SCD5: variants seen among roughly 807,000 people sequenced by gnomAD.
The protein encoded by SCD5 is stearoyl-CoA desaturase 5.
A neutral mutation model predicts 30.4 loss-of-function variants in SCD5; 20 were observed. The observed-to-expected ratio is 0.66, with a 90% CI of 0.46 to 0.96. The LOEUF (loss-of-function observed/expected upper bound fraction) is 0.96. Ranked by LOEUF, SCD5 falls within the 40% of genes least tolerant of loss-of-function variation. SCD5 has a pLI of 0.00. For synonymous variants in SCD5, 173 were observed against 176.4 expected, an observed-to-expected ratio of 0.98 and a Z score of 0.16; for missense variants, 381 against 443.3, an observed-to-expected ratio of 0.86 and a Z score of 1.26.
chr4:82,795,580 A>C (rs1221607295), intron 1 of SCD5, among the ~76,000 whole-genome samples: 1 of 152,098 alleles, frequency 6.6e-6, no homozygotes, highest in Non-Finnish European at 1.5e-5. Context: ...CTGTAATCCC[A>C]GTACTTTGGG....
At chr4:82,708,871 G>A (rs992543413) in intron 1 of SCD5, among the ~76,000 whole-genome samples, 4 of 152,008 alleles carry the variant, frequency 2.6e-5, no homozygotes, top group Admixed American at 1.3e-4. Flanking sequence ...TCTAACCCTC[G>A]CTTATAATCT....
chr4:82,654,616 A>G (rs1727830586), intron 3 of SCD5, among the ~76,000 whole-genome samples: 2 of 152,172 alleles, frequency 1.3e-5, no homozygotes, highest in Admixed American at 1.3e-4. Context: ...ATATCTAGAC[A>G]TTGGCTCTCC....
At chr4:82,761,584 TTTA>T (rs887697517) in intron 1 of SCD5, among the ~76,000 whole-genome samples, 1 of 152,156 alleles carries the variant, frequency 6.6e-6, no homozygotes, top group South Asian at 2.1e-4. Flanking sequence ...TTCTTTTTTT[TTTA>T]TTATTATTAT....
intron 2 of SCD5, among the ~76,000 whole-genome samples, chr4:82,697,657 G>A (rs541398444): frequency 2.0e-5 from 3 of 152,276 alleles, no homozygotes; most frequent in African/African-American, 7.2e-5. Flanking sequence ...GTTCATTTTT[G>A]TTGGTAGAAA....
At chr4:82,643,559 C>G (rs1337922453) in intron 3 of SCD5, among the ~76,000 whole-genome samples, 1 of 152,128 alleles carries the variant, frequency 6.6e-6, no homozygotes, top group Non-Finnish European at 1.5e-5. Context: ...TTACCAGGAG[C>G]TGGGGGTGAA....
chr4:82,714,411 C>T (rs1170072985), intron 1 of SCD5, among the ~76,000 whole-genome samples: 2 of 152,148 alleles, frequency 1.3e-5, no homozygotes, highest in African/African-American at 2.4e-5. Context: ...TACTCATGGG[C>T]AGTCTCTAGG....
chr4:82,705,167 G>A, intron 2 of SCD5, 116 bp downstream of exon 2: 2 of 1,287,876 alleles, frequency 1.6e-6, no homozygotes, highest in East Asian at 2.3e-5. Context: ...GGCGTGCTTG[G>A]GGCCTGAACA....
intron 1 of SCD5, among the ~76,000 whole-genome samples, chr4:82,750,201 AGAG>A (rs1284424030): frequency 6.6e-6 from 1 of 152,244 alleles, no homozygotes; most frequent in African/African-American, 2.4e-5. Context: ...GCTGAGAGCC[AGAG>A]TTGGCATGGG....
At chr4:82,651,192 C>T (rs1245523172) in intron 3 of SCD5, among the ~76,000 whole-genome samples, 1 of 152,110 alleles carries the variant, frequency 6.6e-6, no homozygotes. Flanking sequence ...GTCTTGGGGA[C>T]CCACTGACCA....
At chr4:82,751,094 G>A (rs956711237) in intron 1 of SCD5, among the ~76,000 whole-genome samples, 1 of 152,168 alleles carries the variant, frequency 6.6e-6, no homozygotes, top group Non-Finnish European at 1.5e-5. Context: ...ACAAAGAGCT[G>A]TGTAAACCCA....
intron 1 of SCD5, among the ~76,000 whole-genome samples, chr4:82,744,762 G>C (rs963381508): frequency 6.6e-6 from 1 of 151,844 alleles, no homozygotes; most frequent in Non-Finnish European, 1.5e-5. Context: ...GCTAGTCTTC[G>C]AGAAGTTATT....
chr4:82,787,124 A>T (rs1439897250), intron 1 of SCD5, among the ~76,000 whole-genome samples: 1 of 152,196 alleles, frequency 6.6e-6, no homozygotes, highest in Non-Finnish European at 1.5e-5. Context: ...TGGCCTTATA[A>T]ATGCTCCCTT....
intron 1 of SCD5, among the ~76,000 whole-genome samples, chr4:82,721,284 T>C (rs749795809): frequency 6.6e-6 from 1 of 152,208 alleles, no homozygotes; most frequent in African/African-American, 2.4e-5. Context: ...TCAGCTTCTC[T>C]CTCTGTCCAA....
At chr4:82,647,678 C>T (rs926398359) in intron 3 of SCD5, among the ~76,000 whole-genome samples, 1 of 152,194 alleles carries the variant, frequency 6.6e-6, no homozygotes, top group Admixed American at 6.5e-5. Flanking sequence ...TCCAGACAGC[C>T]TACCCTGATA....
chr4:82,728,808 A>G (rs113218553), intron 1 of SCD5, among the ~76,000 whole-genome samples: 3,973 of 152,216 alleles, frequency 0.026, 84 homozygotes, highest in Non-Finnish European at 0.039. Flanking sequence ...GGCTACGCTC[A>G]TGTCAATTAA....
intron 1 of SCD5, among the ~76,000 whole-genome samples, chr4:82,759,021 G>A (rs1437074135): frequency 6.6e-6 from 1 of 152,236 alleles, no homozygotes; most frequent in African/African-American, 2.4e-5. Flanking sequence ...ACTGCTGCGC[G>A]GGTCCCTGGT....
At chr4:82,791,504 G>A (rs189506707) in intron 1 of SCD5, among the ~76,000 whole-genome samples, 24 of 152,150 alleles carry the variant, frequency 1.6e-4, no homozygotes, top group African/African-American at 4.8e-4. Flanking sequence ...AGAGTGTCTC[G>A]CTCTCCAAAG....
At chr4:82,702,197 T>C (rs758791562) in intron 2 of SCD5, among the ~76,000 whole-genome samples, 5 of 127,870 alleles carry the variant, frequency 3.9e-5, no homozygotes, top group Non-Finnish European at 7.9e-5. Context: ...CAGGCTGGAG[T>C]GCAGTGGTGT....
chr4:82,786,402 T>C (rs910730118), intron 1 of SCD5, among the ~76,000 whole-genome samples: 3 of 152,142 alleles, frequency 2.0e-5, no homozygotes, highest in Admixed American at 2.0e-4. Context: ...ATAGAATAGG[T>C]AGTGATATAG....
Sources: gnomAD v4.1 joint callset for allele counts (sites outside exome capture counted in the v4.1 genomes callset) on GRCh38, gnomAD v4.1.1 for gene constraint, MANE v1.5 for transcripts, NCBI Gene and HGNC (gene_info 2026-07-23, HGNC 2026-07-21) for gene names.